CENPE: variants seen among roughly 807,000 people sequenced by gnomAD.
CENPE encodes centromere-associated protein E.
CENPE carries 145 observed loss-of-function variants against 336.1 expected under a neutral mutation model. The observed-to-expected ratio is 0.43, with a 90% CI of 0.38 to 0.50. The LOEUF (loss-of-function observed/expected upper bound fraction) is 0.50, where lower values mean the gene tolerates loss of function less well. Among genes scored for constraint, CENPE ranks in the 20% least tolerant of loss-of-function variants. The pLI is 0.00. For synonymous variants in CENPE, 1,013 were observed against 984.8 expected, an observed-to-expected ratio of 1.03 and a Z score of -0.54; for missense variants, 2,719 against 3,023.3, an observed-to-expected ratio of 0.90 and a Z score of 2.36.
intron 8 of CENPE, among the ~76,000 whole-genome samples, chr4:103,187,797 A>G (rs1033538681): frequency 6.6e-6 from 1 of 152,248 alleles, no homozygotes; most frequent in African/African-American, 2.4e-5. Flanking sequence ...CACACATAAC[A>G]ATATTAACTT....
Position 103,132,797 on chromosome 4 carries a change from C to G in CENPE, c.6820G>C (p.Glu2274Gln), listed in dbSNP as rs761614204. The change falls in exon 42 of 49, where the codon GAG (glutamate) becomes CAG (glutamine). Residue 2274 changes from glutamate to glutamine, a missense_variant. By Grantham distance (29) the Glu-to-Gln change is conservative. Transcript: ENST00000265148. ...ATATCAAAACGAGTATTTAACCACT[C>G]TTCCAAAAACTGTGTCATTTCTTTC... ...NRKEMTQFLE[E>Q]WLNTRFDIEK... 28 of 1,577,538 alleles carry G rather than the reference C, an allele frequency of 1.8e-5. No homozygotes were observed. Among genetic ancestry groups the G allele is most frequent in the Non-Finnish European group, 2.1e-5 (24 of 1,153,130 alleles).
chr4:103,163,709 C>T (rs957684997), intron 16 of CENPE, among the ~76,000 whole-genome samples, 156 bp from the exon 17 acceptor site: 8 of 150,726 alleles, frequency 5.3e-5, no homozygotes, highest in African/African-American at 1.2e-4. Context: ...TTCAAGCTAT[C>T]GCAACAAAGC....
intron 23 of CENPE, 48 bp downstream of exon 23, chr4:103,158,566 T>C (rs1754151444): frequency 6.5e-7 from 1 of 1,544,102 alleles, no homozygotes; most frequent in African/African-American, 1.4e-5. Context: ...CTCTGCAATG[T>C]TTTTAAGAGT....
Position 103,139,524 on chromosome 4 carries a change from A to T in CENPE, c.6204+265T>A, listed in dbSNP as rs116240157. 0.024 allele frequency among the ~76,000 whole-genome samples: 3,722 copies of T among 152,134 alleles called. 137 individuals are homozygous for T. The highest frequency in any genetic ancestry group is 0.078 in the African/African-American group (3,254 of 41,528). On this transcript the variant is annotated intron_variant, in intron 38 of 48. Transcript: ENST00000265148. Reference sequence around the variant, plus strand: ...TTTAGAATAATGCTATCTCTTGATTAAAAAAAACTTTAAAATGTTATATTA... The same window carrying T: ...TTTAGAATAATGCTATCTCTTGATTTAAAAAAACTTTAAAATGTTATATTA...
chr4:103,157,071 A>C (rs1470188704), intron 24 of CENPE, among the ~76,000 whole-genome samples: 3 of 151,748 alleles, frequency 2.0e-5, no homozygotes, highest in African/African-American at 4.8e-5. Context: ...AAAAAAAAAA[A>C]AAAAAAAAAC....
rs752720051 is a variant in CENPE at position 103,180,446 on chromosome 4, C to T, written c.1107G>A (p.Gln369=). ...GGGCCAATTGGTCTTTTTCCATTGC[C>T]TGAGCCCGCGTCTCTAAAGAAACCT... ...LEEVSLETRA[Q]AMEKDQLAQL... Residue 369 remains glutamine, a synonymous_variant, in exon 13 of 49, where the codon CAG becomes CAA. Transcript: ENST00000265148. 4 of 1,611,772 alleles carry T rather than the reference C, an allele frequency of 2.5e-6. No homozygotes were observed. The highest frequency in any genetic ancestry group is 3.4e-6 in the Non-Finnish European group (4 of 1,178,632).
intron 13 of CENPE, among the ~76,000 whole-genome samples, chr4:103,177,771 T>C (rs1380687042): frequency 6.6e-5 from 10 of 151,890 alleles, no homozygotes; most frequent in Admixed American, 5.3e-4. Context: ...CCTCTCTGAG[T>C]GCTGTCCTTC....
chr4:103,194,492 A>C, intron 6 of CENPE, 51 bp from the exon 7 acceptor site: 2 of 1,478,108 alleles, frequency 1.4e-6, no homozygotes, highest in Non-Finnish European at 1.9e-6. Context: ...ATCCATAGAA[A>C]CACAATAATT....
intron 18 of CENPE, among the ~76,000 whole-genome samples, chr4:103,161,933 T>C (rs187544664): frequency 1.4e-3 from 206 of 152,104 alleles, no homozygotes; most frequent in African/African-American, 4.7e-3. Context: ...GAAAAATACA[T>C]GAAAAAAATC....
At position 103,185,830 on chromosome 4, in the gene CENPE, G is replaced by A; in HGVS notation, c.725C>T (p.Ala242Val). Residue 242 changes from alanine (A) to valine (V), a missense_variant, in exon 9 of 49, where the codon GCT becomes GTT. Ala to Val is a moderately conservative substitution (Grantham distance 64). This residue lies in a region of CENPE where 117 missense variants were observed against 215.8 expected (regional missense o/e 0.54). Transcript: ENST00000265148. ...NLVDLAGSER[A>V]AQTGAAGVRL... ...ATTACCTGCAGCGCCTGTTTGAGCA[G>A]CTCTTTCACTGCCTGCAAGATCAAC... 6.2e-7 allele frequency: 1 copy of A among 1,610,074 alleles called. No individual in the cohort carries two copies. The highest frequency in any genetic ancestry group is 8.5e-7 in the Non-Finnish European group (1 of 1,177,374).
At chr4:103,138,219 A>G in intron 39 of CENPE, 132 bp downstream of exon 39, 1 of 676,080 alleles carries the variant, frequency 1.5e-6, no homozygotes, top group Non-Finnish European at 2.7e-6. Context: ...CACCTGTACT[A>G]GATTACAATG....
chr4:103,151,980 T>C (rs886352712), intron 25 of CENPE, among the ~76,000 whole-genome samples: 7 of 152,168 alleles, frequency 4.6e-5, no homozygotes, highest in Non-Finnish European at 7.4e-5. Flanking sequence ...ACAATACAAA[T>C]GGTCGCATTC....
rs1046519986 is a variant in CENPE, at chr4:103,163,766, A to G, written c.1648-213T>C. On this transcript the variant is annotated intron_variant, in intron 16 of 48. Coordinates refer to ENST00000265148, the MANE Select transcript of CENPE (RefSeq NM_001813.3). Reference sequence around the variant, plus strand: ...AGAAATATCACCCAAAACATATCAAACAAATAAAAAAAAACCCCTCAGCAT... The same window carrying G: ...AGAAATATCACCCAAAACATATCAAGCAAATAAAAAAAAACCCCTCAGCAT... 4.7e-4 allele frequency among the ~76,000 whole-genome samples: 69 copies of G among 146,130 alleles called. 1 individual carries two copies. The highest frequency in any genetic ancestry group is 1.5e-3 in the African/African-American group (63 of 41,176).
intron 40 of CENPE, among the ~76,000 whole-genome samples, chr4:103,135,810 C>G (rs985619671): frequency 6.6e-6 from 1 of 152,196 alleles, no homozygotes; most frequent in African/African-American, 2.4e-5. Flanking sequence ...GTTTCATCTT[C>G]TGTAATTTTA....
At position 103,159,234 on chromosome 4, in the gene CENPE, C is replaced by A. The variant is rs376748245; in HGVS notation, c.2377G>T (p.Gly793Cys). The part of the protein sequence containing the change: ...EVVHKESRVQ[G>C]LLEEIGKTKD... ...GTTTTCCCAATTTCTTCAAGTAAAC[C>A]TTGAACTCTACTCTCCTTATGAACT... The change falls in exon 22 of 49, where the codon GGT becomes TGT. Residue 793 changes from glycine to cysteine, a missense_variant. Coordinates refer to ENST00000265148, the MANE Select transcript of CENPE (RefSeq NM_001813.3). 2.7e-5 allele frequency: 44 copies of A among 1,611,366 alleles called. No individual in the cohort carries two copies. Among genetic ancestry groups the A allele is most frequent in the Non-Finnish European group, 3.6e-5 (43 of 1,178,378 alleles).
chr4:103,126,402 G>A (rs539339552), intron 42 of CENPE, among the ~76,000 whole-genome samples: 13 of 152,086 alleles, frequency 8.5e-5, no homozygotes, highest in African/African-American at 3.1e-4. Context: ...GCTGGCTCTT[G>A]CCTTCCATGT....
At chr4:103,128,773 G>C (rs545455302) in intron 42 of CENPE, among the ~76,000 whole-genome samples, 1 of 152,100 alleles carries the variant, frequency 6.6e-6, no homozygotes, top group Non-Finnish European at 1.5e-5. Flanking sequence ...TATTAGAAAA[G>C]AGGAAAGACC....
intron 8 of CENPE, 27 bp from the exon 9 acceptor site, chr4:103,185,888 T>A: frequency 6.7e-7 from 1 of 1,486,928 alleles, no homozygotes; most frequent in Non-Finnish European, 9.3e-7. Flanking sequence ...AATAAATCCT[T>A]AGGGCAGATA....
intron 21 of CENPE, among the ~76,000 whole-genome samples, chr4:103,160,302 AC>A (rs899970250): frequency 7.9e-5 from 12 of 151,982 alleles, no homozygotes; most frequent in African/African-American, 2.9e-4. Context: ...TACTACTACT[AC>A]CAAAAAAAAT....
Sources: allele counts gnomAD v4.1 joint callset (sites outside exome capture counted in the v4.1 genomes callset), GRCh38; gene constraint gnomAD v4.1.1; regional missense constraint gnomAD v4.1.1; transcripts MANE v1.5; gene names NCBI Gene and HGNC (gene_info 2026-07-23, HGNC 2026-07-21).